CNTNAP5: variants seen among roughly 807,000 people sequenced by gnomAD.
The protein encoded by CNTNAP5 is contactin-associated protein-like 5.
CNTNAP5 carries 72 observed loss-of-function variants against 150.2 expected under a neutral mutation model. The observed-to-expected ratio is 0.48, with a 90% CI of 0.40 to 0.58. The LOEUF (loss-of-function observed/expected upper bound fraction) is 0.58, where lower values mean the gene tolerates loss of function less well. Among genes scored for constraint, CNTNAP5 ranks in the 20% least tolerant of loss-of-function variants. The pLI, the probability that CNTNAP5 is intolerant of heterozygous loss-of-function variation, is 0.00. For missense variants in CNTNAP5, 1,636 were observed against 1,626.2 expected, an observed-to-expected ratio of 1.01 and a Z score of -0.10; for synonymous variants, 672 against 619.8, an observed-to-expected ratio of 1.08 and a Z score of -1.25.
rs1436982653 is a variant in CNTNAP5 at position 124,527,347 on chromosome 2, A to C, written c.1540A>C (p.Met514Leu). The change falls in exon 10 of 24, where the codon ATG (methionine) becomes CTG (leucine). Residue 514 changes from methionine to leucine, a missense_variant. Transcript: ENST00000682447. ...TCCCATTAAGGCTTTCCAAGGCTGC[A>C]TGAGGCTCATCTTTATTGATAACCA... ...LNPIKAFQGC[M>L]RLIFIDNQPK... The C allele has an allele frequency of 6.2e-7, 1 of 1,613,754 alleles. No individual in the cohort carries two copies. Among genetic ancestry groups the C allele is most frequent in the Non-Finnish European group, 8.5e-7 (1 of 1,179,710 alleles).
chr2:124,126,677 C>A (rs561356544), intron 1 of CNTNAP5, among the ~76,000 whole-genome samples: 1 of 151,658 alleles, frequency 6.6e-6, no homozygotes, highest in Admixed American at 6.6e-5. Flanking sequence ...ACTGGCAAAC[C>A]GAATCCAGCA....
chr2:124,841,429 A>G (rs1486769748), intron 19 of CNTNAP5, among the ~76,000 whole-genome samples: 1 of 150,900 alleles, frequency 6.6e-6, no homozygotes, highest in Non-Finnish European at 1.5e-5. Context: ...TCATTTAGTA[A>G]GATCCTCTGT....
intron 21 of CNTNAP5, among the ~76,000 whole-genome samples, chr2:124,897,781 T>C (rs772932411): frequency 2.0e-5 from 3 of 151,618 alleles, no homozygotes; most frequent in African/African-American, 7.3e-5. Context: ...CTGATTAATT[T>C]ACTTTAAACA....
chr2:124,522,397 G>A (rs555831085), intron 8 of CNTNAP5, among the ~76,000 whole-genome samples: 2 of 152,300 alleles, frequency 1.3e-5, no homozygotes, highest in Admixed American at 1.3e-4. Flanking sequence ...TCTGCAAGCA[G>A]TAGGACCTGT....
chr2:124,099,274 C>T (rs572039155), intron 1 of CNTNAP5, among the ~76,000 whole-genome samples: 1 of 152,324 alleles, frequency 6.6e-6, no homozygotes, highest in Non-Finnish European at 1.5e-5. Flanking sequence ...CAGGAAGACT[C>T]CGCATAGCAC....
chr2:124,598,919 G>C (rs555388515), intron 11 of CNTNAP5, among the ~76,000 whole-genome samples: 2 of 152,054 alleles, frequency 1.3e-5, no homozygotes, highest in East Asian at 1.9e-4. Context: ...AGGTGCGTCC[G>C]TCACCCCTTT....
At position 124,772,890 on chromosome 2, in the gene CNTNAP5, G is replaced by T. The variant is rs755061930; in HGVS notation, c.2625G>T (p.Trp875Cys). Residue 875 changes from tryptophan (W) to cysteine (C), a missense_variant, in exon 17 of 24, where the codon TGG becomes TGT. Transcript: ENST00000682447. ...QSPSLLNDNQ[W>C]HYVRAERNLK... ...CTTCTCTTCTGAATGACAACCAATG[G>T]CACTATGTCCGGGCTGAGAGGAACC... 1.2e-6 allele frequency: 2 copies of T among 1,613,544 alleles called. No individual in the cohort carries two copies.
chr2:124,726,981 A>C (rs576900945), intron 13 of CNTNAP5, among the ~76,000 whole-genome samples: 26 of 152,084 alleles, frequency 1.7e-4, no homozygotes, highest in Admixed American at 1.6e-3. Flanking sequence ...CTTTTGTTTA[A>C]ATTTTTAATC....
At chr2:124,893,706 C>T (rs938175909) in intron 21 of CNTNAP5, among the ~76,000 whole-genome samples, 1 of 152,058 alleles carries the variant, frequency 6.6e-6, no homozygotes, top group Non-Finnish European at 1.5e-5. Flanking sequence ...AGGCAAGTAG[C>T]ACTGGATACT....
rs559157080 is a variant in CNTNAP5, at chr2:124,241,233, C to A, written c.188-967C>A. ...CAACTAAGAGAGAACTCACATTGAT[C>A]TTCTGCAAACCTCAGGTGTGATACA... On this transcript the variant is annotated intron_variant, in intron 2 of 23. Transcript: ENST00000682447. 2.6e-5 allele frequency among the ~76,000 whole-genome samples: 4 copies of A among 152,266 alleles called. No homozygotes were observed. The South Asian group carries it at 8.3e-4, about 32-fold the overall frequency.
intron 6 of CNTNAP5, among the ~76,000 whole-genome samples, chr2:124,464,907 C>CT (rs991133703): frequency 6.6e-6 from 1 of 152,026 alleles, no homozygotes; most frequent in African/African-American, 2.4e-5. Context: ...AGTTTGGATC[C>CT]TTTTTTTATA....
intron 11 of CNTNAP5, among the ~76,000 whole-genome samples, chr2:124,607,251 A>G (rs1302713239): frequency 2.0e-5 from 3 of 152,090 alleles, no homozygotes; most frequent in Admixed American, 6.6e-5. Flanking sequence ...CAGCTGCAAA[A>G]AAGATGTCCA....
At chr2:124,447,607 A>G (rs189082183) in intron 6 of CNTNAP5, among the ~76,000 whole-genome samples, 357 of 152,322 alleles carry the variant, frequency 2.3e-3, no homozygotes, top group Non-Finnish European at 3.4e-3. Flanking sequence ...AAACTGAGAT[A>G]AGCTCTTGCA....
intron 11 of CNTNAP5, among the ~76,000 whole-genome samples, chr2:124,584,246 C>A (rs944254225): frequency 6.6e-6 from 1 of 152,176 alleles, no homozygotes; most frequent in African/African-American, 2.4e-5. Flanking sequence ...GCTGCAGCTT[C>A]CGGAGCTTTA....
chr2:124,095,216 C>T (rs146150172), intron 1 of CNTNAP5, among the ~76,000 whole-genome samples: 1 of 152,208 alleles, frequency 6.6e-6, no homozygotes, highest in East Asian at 1.9e-4. Context: ...AAGCTGGAAA[C>T]CATCCTTCTC....
At chr2:124,556,930 G>T (rs1449553515) in intron 10 of CNTNAP5, among the ~76,000 whole-genome samples, 3 of 151,234 alleles carry the variant, frequency 2.0e-5, no homozygotes, top group African/African-American at 7.3e-5. Context: ...TTTTTCAGCA[G>T]ACTTTTTATC....
chr2:124,270,063 C>A (rs954862532), intron 3 of CNTNAP5, among the ~76,000 whole-genome samples: 3 of 152,090 alleles, frequency 2.0e-5, no homozygotes, highest in Non-Finnish European at 4.4e-5. Context: ...TGCCTGTAAT[C>A]CCAGCACTTT....
At chr2:124,423,373 A>C (rs1194235820) in intron 4 of CNTNAP5, among the ~76,000 whole-genome samples, 1 of 152,138 alleles carries the variant, frequency 6.6e-6, no homozygotes, top group Non-Finnish European at 1.5e-5. Context: ...TGTATGTCCA[A>C]GGAAGGTCAG....
chr2:124,812,484 C>T (rs1238418645), intron 19 of CNTNAP5, among the ~76,000 whole-genome samples: 1 of 151,998 alleles, frequency 6.6e-6, no homozygotes, highest in South Asian at 2.1e-4. Flanking sequence ...ACCCTCCCCA[C>T]TTTTGGAATT....
Sources: allele counts gnomAD v4.1 joint callset (sites outside exome capture counted in the v4.1 genomes callset), GRCh38; gene constraint gnomAD v4.1.1; transcripts MANE v1.5; gene names NCBI Gene and HGNC (gene_info 2026-07-23, HGNC 2026-07-21).